IGSF21: variants seen among roughly 807,000 people sequenced by gnomAD.
IGSF21 encodes immunoglobin superfamily member 21, also known as immunoglobulin superfamily member 21.
In IGSF21, 28 loss-of-function variants were observed where a neutral mutation model predicts 46.8. The observed-to-expected ratio is 0.60, with a 90% CI of 0.44 to 0.82. The LOEUF (loss-of-function observed/expected upper bound fraction) is 0.82. IGSF21 is among the 40% of genes least tolerant of loss of function. The pLI, the probability that IGSF21 is intolerant of heterozygous loss-of-function variation, is 0.00. For synonymous variants in IGSF21, 284 were observed against 273.6 expected, an observed-to-expected ratio of 1.04 and a Z score of -0.38; for missense variants, 624 against 665.5, an observed-to-expected ratio of 0.94 and a Z score of 0.69.
intron 7 of IGSF21, 88 bp from the exon 8 acceptor site, chr1:18,376,712 C>T (rs2086283920): frequency 2.3e-6 from 3 of 1,302,878 alleles, no homozygotes; most frequent in Non-Finnish European, 3.2e-6. Context: ...AATGCTGTGC[C>T]ACCCCTGGCC....
intron 1 of IGSF21, among the ~76,000 whole-genome samples, chr1:18,158,822 G>A (rs2086590233): frequency 6.6e-6 from 1 of 152,218 alleles, no homozygotes; most frequent in South Asian, 2.1e-4. Flanking sequence ...AGGTTATGTA[G>A]TTAGAAGGTT....
At chr1:18,259,874 C>T (rs1192288642) in intron 2 of IGSF21, among the ~76,000 whole-genome samples, 2 of 152,268 alleles carry the variant, frequency 1.3e-5, no homozygotes, top group East Asian at 3.9e-4. Flanking sequence ...AGCATGAGTT[C>T]TTGGGCAGTA....
In IGSF21 at chr1:18,365,312, G is replaced by A; in HGVS notation, c.630G>A (p.Arg210=). The A allele has an allele frequency of 6.2e-7, 1 of 1,614,014 alleles. No homozygotes were observed. The change falls in exon 6 of 10, where the codon AGG becomes AGA. Residue 210 remains arginine (R), a synonymous_variant. Transcript: ENST00000251296. This position sits in a 1 kb window ranked among gnomAD's most constrained non-coding sequence, Gnocchi z 4.8. ...AASSGPLQDS[R]PFRSLLHRDL... Reference sequence around the variant, plus strand: ...GCTCCGGCCCCCTACAGGACAGCAGGCCCTTCCGCAGCCTTCTGCACCGTG... The same window carrying A: ...GCTCCGGCCCCCTACAGGACAGCAGACCCTTCCGCAGCCTTCTGCACCGTG...
chr1:18,350,427 G>A (rs2085940396), intron 4 of IGSF21, among the ~76,000 whole-genome samples: 1 of 152,184 alleles, frequency 6.6e-6, no homozygotes, highest in Non-Finnish European at 1.5e-5. Flanking sequence ...CTGCCACCCT[G>A]GCCAGAAGTT....
At chr1:18,309,636 C>T (rs899037214) in intron 3 of IGSF21, among the ~76,000 whole-genome samples, 1 of 152,198 alleles carries the variant, frequency 6.6e-6, no homozygotes, top group Non-Finnish European at 1.5e-5. Flanking sequence ...GAGCCCAGTC[C>T]TCTGCACCCT....
In IGSF21 at chr1:18,134,307, G is replaced by A. The variant is rs938630323; in HGVS notation, c.70+26109G>A. Reference sequence around the variant, plus strand: ...TCTCTGAATTTTCCCCTTCTGTAAGGGGGGCAGAGAGGCTGTCATCTCAAA... The same window carrying A: ...TCTCTGAATTTTCCCCTTCTGTAAGAGGGGCAGAGAGGCTGTCATCTCAAA... On this transcript the variant is annotated intron_variant, in intron 1 of 9. Transcript: ENST00000251296. 3.3e-5 allele frequency among the ~76,000 whole-genome samples: 5 copies of A among 152,064 alleles called. No homozygotes were observed. The East Asian group carries it at 7.7e-4, about 23-fold the overall frequency.
chr1:18,281,004 C>T (rs1296424398), intron 2 of IGSF21, among the ~76,000 whole-genome samples: 1 of 152,212 alleles, frequency 6.6e-6, no homozygotes, highest in East Asian at 1.9e-4. Context: ...CGAGCACCTG[C>T]TGCTAATGTT....
chr1:18,376,965 G>A lies in IGSF21; in HGVS notation c.1267G>A (p.Asp423Asn), dbSNP rs745875575. Residue 423 changes from aspartate to asparagine, a missense_variant, in exon 8 of 10, where the codon GAC (aspartate) becomes AAC (asparagine). Asp to Asn is a conservative substitution (Grantham distance 23). Transcript: ENST00000251296. ...CTAQNPLGSTDTHTRLIVFEN... is the reference protein window; with the variant it reads ...CTAQNPLGSTNTHTRLIVFEN... Reference sequence around the variant, plus strand: ...CGCCCAGAACCCACTGGGCTCCACCGACACGCACACCCGGCTCATCGTGTT... The same window carrying A: ...CGCCCAGAACCCACTGGGCTCCACCAACACGCACACCCGGCTCATCGTGTT... The A allele has an allele frequency of 1.3e-5, 21 of 1,597,832 alleles. No individual in the cohort carries two copies. In the East Asian group the frequency reaches 2.7e-4, roughly 21 times the overall value.
intron 4 of IGSF21, among the ~76,000 whole-genome samples, chr1:18,359,336 GAAAAAGAAAGAAAGAAAGAAAGAA>G (rs1218656399): frequency 0.048 from 2,118 of 44,428 alleles, 142 homozygotes; most frequent in Admixed American, 0.062. Context: ...GAAAGAGAAA[GAAAAAGAAAGAAAGAAAGAAAGAA>G]AGAAAGAAAG....
chr1:18,279,443 C>T (rs1452382259), intron 2 of IGSF21, among the ~76,000 whole-genome samples: 2 of 152,196 alleles, frequency 1.3e-5, no homozygotes, highest in African/African-American at 4.8e-5. Flanking sequence ...ATCGTAACCC[C>T]TCAAGTGTAG....
At chr1:18,172,321 A>C (rs1015874705) in intron 1 of IGSF21, among the ~76,000 whole-genome samples, 1 of 152,220 alleles carries the variant, frequency 6.6e-6, no homozygotes, top group Non-Finnish European at 1.5e-5. Context: ...ACTTATGTAC[A>C]TATTACTTCT....
intron 4 of IGSF21, among the ~76,000 whole-genome samples, chr1:18,340,984 CCTT>C (rs139039975): frequency 2.9e-3 from 336 of 114,286 alleles, no homozygotes; most frequent in African/African-American, 0.011. Context: ...TTCTTCTTCT[CCTT>C]CTTCTTCTCC....
intron 2 of IGSF21, among the ~76,000 whole-genome samples, chr1:18,241,296 G>T (rs1338476837): frequency 6.6e-6 from 1 of 152,146 alleles, no homozygotes; most frequent in African/African-American, 2.4e-5. Context: ...TGCCATACAG[G>T]ACTTTGCATT....
chr1:18,276,115 G>C (rs1175377625), intron 2 of IGSF21, among the ~76,000 whole-genome samples: 1 of 152,214 alleles, frequency 6.6e-6, no homozygotes, highest in Non-Finnish European at 1.5e-5. Flanking sequence ...CAGTCAAATA[G>C]AGCCTTGTAA....
intron 3 of IGSF21, among the ~76,000 whole-genome samples, chr1:18,292,347 G>T (rs772329473): frequency 6.6e-6 from 1 of 152,262 alleles, no homozygotes; most frequent in Non-Finnish European, 1.5e-5. Flanking sequence ...CCGCTGGGCG[G>T]TGAAGCAGTT....
At chr1:18,307,460 G>C (rs942104517) in intron 3 of IGSF21, among the ~76,000 whole-genome samples, 1 of 152,212 alleles carries the variant, frequency 6.6e-6, no homozygotes, top group Non-Finnish European at 1.5e-5. Context: ...CAACGAAGCA[G>C]GTCCTGTTAT....
intron 1 of IGSF21, among the ~76,000 whole-genome samples, chr1:18,118,371 C>T (rs1057309144): frequency 1.3e-5 from 2 of 152,166 alleles, no homozygotes; most frequent in African/African-American, 2.4e-5. Flanking sequence ...GCAGCACAAG[C>T]GTCCGATACA....
rs528934939 is a variant in IGSF21 at position 18,272,691 on chromosome 1, G to C, written c.184-19175G>C. Among the ~76,000 whole-genome samples the C allele has an allele frequency of 5.3e-5, 8 of 152,346 alleles. No homozygotes were observed. In the East Asian group the frequency reaches 1.2e-3, roughly 22 times the overall value. On this transcript the variant is annotated intron_variant, in intron 2 of 9. Transcript: ENST00000251296. ...CTTAATAGGTTGAGTGTGTCCCCTCGGCTCTTGCCAGGGACCTGGCTGCCC... is the reference window on the plus strand; with the variant it reads ...CTTAATAGGTTGAGTGTGTCCCCTCCGCTCTTGCCAGGGACCTGGCTGCCC...
intron 3 of IGSF21, among the ~76,000 whole-genome samples, chr1:18,300,889 C>T (rs1421502413): frequency 2.0e-5 from 3 of 152,162 alleles, no homozygotes; most frequent in Admixed American, 2.0e-4. Context: ...AATCTGCTCT[C>T]AGCCTTCCTC....
Sources: allele counts gnomAD v4.1 joint callset (sites outside exome capture counted in the v4.1 genomes callset), GRCh38; gene constraint gnomAD v4.1.1; non-coding constraint Gnocchi (gnomAD v3.1); transcripts MANE v1.5; gene names NCBI Gene and HGNC (gene_info 2026-07-23, HGNC 2026-07-21).